LRP1B: variants seen among roughly 807,000 people sequenced by gnomAD.
LRP1B encodes the protein low-density lipoprotein receptor-related protein 1B.
In LRP1B, 217 loss-of-function variants were observed where a neutral mutation model predicts 556.6. That is an observed-to-expected ratio of 0.39 (90% CI 0.35 to 0.44). The LOEUF is 0.44. Ranked by LOEUF, LRP1B falls within the 20% of genes least tolerant of loss-of-function variation. The pLI is 1.00. For missense variants in LRP1B, 5,053 were observed against 5,620.8 expected, an observed-to-expected ratio of 0.90 and a Z score of 3.23; for synonymous variants, 2,047 against 1,865.8, an observed-to-expected ratio of 1.10 and a Z score of -2.50.
intron 41 of LRP1B, among the ~76,000 whole-genome samples, chr2:140,636,331 T>G (rs1684070234): frequency 6.6e-6 from 1 of 152,100 alleles, no homozygotes; most frequent in Non-Finnish European, 1.5e-5. Flanking sequence ...TAATACACAT[T>G]AATTTGAGGT....
intron 2 of LRP1B, among the ~76,000 whole-genome samples, chr2:141,668,559 G>A (rs1690537491): frequency 6.6e-6 from 1 of 152,164 alleles, no homozygotes; most frequent in Non-Finnish European, 1.5e-5. Flanking sequence ...ACAGTCCAAT[G>A]GCTGTGGGAT....
In LRP1B at chr2:142,088,993, AAAAG is replaced by A. The variant is rs1171703591; in HGVS notation, c.82+41651_82+41654del. ...CCGTCTCAAAAAAAAAAAAAAAAAA[AAAAG>A]AAAAAGAAAAAGTTACTGACTTATA... On this transcript the variant is annotated intron_variant, in intron 1 of 90. Transcript: ENST00000389484. 8.9e-3 allele frequency among the ~76,000 whole-genome samples: 556 copies of A among 62,740 alleles called. 5 individuals are homozygous for A. The highest frequency in any genetic ancestry group is 0.011 in the African/African-American group (205 of 18,314). The allele number at this position is 62,740 out of a possible 152,430, so 41.2% of individuals were successfully genotyped here.
chr2:140,681,512 AC>A (rs1161479823), intron 41 of LRP1B, among the ~76,000 whole-genome samples: 1 of 152,188 alleles, frequency 6.6e-6, no homozygotes, highest in African/African-American at 2.4e-5. Context: ...GAATACTATT[AC>A]TTATAAAATG....
At chr2:141,831,147 G>T (rs1467752767) in intron 1 of LRP1B, among the ~76,000 whole-genome samples, 2 of 151,250 alleles carry the variant, frequency 1.3e-5, no homozygotes. Context: ...ATCCATCTTT[G>T]CTCTCCAAGT....
intron 2 of LRP1B, among the ~76,000 whole-genome samples, chr2:141,572,242 A>G (rs1686555284): frequency 6.6e-6 from 1 of 152,084 alleles, no homozygotes; most frequent in Non-Finnish European, 1.5e-5. Context: ...ATCAGCAGAA[A>G]CTCTACAAGC....
intron 7 of LRP1B, among the ~76,000 whole-genome samples, chr2:141,078,033 A>G (rs1699834829): frequency 1.3e-5 from 2 of 149,806 alleles, no homozygotes; most frequent in South Asian, 4.2e-4. Flanking sequence ...CCTTTTTTTT[A>G]AAGCTTATTT....
intron 2 of LRP1B, among the ~76,000 whole-genome samples, chr2:141,756,683 T>A (rs1558853941): frequency 2.0e-5 from 3 of 152,038 alleles, no homozygotes; most frequent in African/African-American, 7.2e-5. Context: ...TTTTTATATT[T>A]AGACATGTTC....
intron 7 of LRP1B, among the ~76,000 whole-genome samples, chr2:141,069,928 T>C (rs1050557517): frequency 1.3e-5 from 2 of 151,468 alleles, no homozygotes; most frequent in African/African-American, 4.8e-5. Flanking sequence ...GCATTAGGTA[T>C]ATCTCCTAAA....
At chr2:141,910,354 T>C (rs948123253) in intron 1 of LRP1B, among the ~76,000 whole-genome samples, 17 of 152,120 alleles carry the variant, frequency 1.1e-4, no homozygotes, top group African/African-American at 2.9e-4. Context: ...TTTACTCTGC[T>C]ACACAGTGTT....
intron 3 of LRP1B, among the ~76,000 whole-genome samples, chr2:141,459,247 A>G (rs1040830413): frequency 2.6e-5 from 4 of 152,166 alleles, no homozygotes; most frequent in African/African-American, 9.7e-5. Flanking sequence ...ACACACGTGT[A>G]TGTATATGTG....
chr2:140,472,498 G>T (rs761981140), intron 60 of LRP1B, among the ~76,000 whole-genome samples: 1 of 151,958 alleles, frequency 6.6e-6, no homozygotes, highest in African/African-American at 2.4e-5. Context: ...GATGTATTTT[G>T]GAATTTCTTG....
intron 74 of LRP1B, among the ~76,000 whole-genome samples, chr2:140,357,730 C>T (rs1045601496): frequency 1.3e-5 from 2 of 151,618 alleles, no homozygotes; most frequent in East Asian, 1.9e-4. Flanking sequence ...ACATCAACTT[C>T]GATATTTGAA....
chr2:141,480,256 G>T, intron 3 of LRP1B, 140 bp downstream of exon 3: 1 of 915,466 alleles, frequency 1.1e-6, no homozygotes, highest in Non-Finnish European at 1.7e-6. Context: ...ATATTAAAAT[G>T]TCTGGCAGTA....
chr2:141,853,087 C>T (rs1200128498), intron 1 of LRP1B, among the ~76,000 whole-genome samples: 2 of 151,498 alleles, frequency 1.3e-5, no homozygotes, highest in East Asian at 3.9e-4. Context: ...ATATTAAAAG[C>T]TCTGGTGGTT....
At chr2:141,784,975 AC>A (rs1695383008) in intron 2 of LRP1B, among the ~76,000 whole-genome samples, 3 of 151,904 alleles carry the variant, frequency 2.0e-5, no homozygotes, top group Admixed American at 6.6e-5. Context: ...GGCAGTGGTA[AC>A]CCCTTAAGAG....
At chr2:141,284,883 G>A (rs996070813) in intron 3 of LRP1B, among the ~76,000 whole-genome samples, 12 of 152,126 alleles carry the variant, frequency 7.9e-5, no homozygotes, top group Non-Finnish European at 1.5e-4. Flanking sequence ...TTGAAATCAA[G>A]CAGTGTAAAA....
chr2:140,282,375 G>T (rs897194668), intron 84 of LRP1B, among the ~76,000 whole-genome samples: 3 of 151,900 alleles, frequency 2.0e-5, no homozygotes, highest in African/African-American at 7.2e-5. Flanking sequence ...GCACATAGAG[G>T]TTAAGCAATT....
intron 6 of LRP1B, among the ~76,000 whole-genome samples, chr2:141,215,909 C>T (rs1238906172): frequency 6.6e-6 from 1 of 152,152 alleles, no homozygotes; most frequent in East Asian, 1.9e-4. Context: ...GGCCATGTGA[C>T]AGAGAAAGAA....
At chr2:141,240,672 A>G (rs570159308) in intron 5 of LRP1B, among the ~76,000 whole-genome samples, 1 of 152,222 alleles carries the variant, frequency 6.6e-6, no homozygotes, top group African/African-American at 2.4e-5. Flanking sequence ...GCTAGTCTAC[A>G]CAAAGTTATT....
Sources: allele counts gnomAD v4.1 joint callset (sites outside exome capture counted in the v4.1 genomes callset), GRCh38; gene constraint gnomAD v4.1.1; transcripts MANE v1.5; gene names NCBI Gene and HGNC (gene_info 2026-07-23, HGNC 2026-07-21).